DLC1: variants seen among roughly 807,000 people sequenced by gnomAD.
The protein encoded by DLC1 is rho GTPase-activating protein 7.
A neutral mutation model predicts 140.3 loss-of-function variants in DLC1; 54 were observed. That is an observed-to-expected ratio of 0.38 (90% CI 0.31 to 0.48). The LOEUF (loss-of-function observed/expected upper bound fraction) is 0.48, where lower values mean the gene tolerates loss of function less well. Among genes scored for constraint, DLC1 ranks in the 20% least tolerant of loss-of-function variants. The pLI is 0.96. For missense variants in DLC1, 2,536 were observed against 1,907.0 expected (o/e 1.33, Z -6.14); for synonymous variants, 986 against 728.1 (o/e 1.35, Z -5.70).
At chr8:13,138,682 G>A (rs1480168821) in intron 5 of DLC1, among the ~76,000 whole-genome samples, 2 of 152,212 alleles carry the variant, frequency 1.3e-5, no homozygotes, top group Non-Finnish European at 2.9e-5. Context: ...GTTAGAAATT[G>A]AATGGCTGTC....
intron 4 of DLC1, among the ~76,000 whole-genome samples, chr8:13,327,113 C>A (rs1012929557): frequency 2.1e-5 from 3 of 145,938 alleles, no homozygotes; most frequent in Non-Finnish European, 3.0e-5. Flanking sequence ...CGCCACCACA[C>A]CCGGCTATTT....
At chr8:13,574,008 T>G (rs560794483) in intron 1 of DLC1, among the ~76,000 whole-genome samples, 106 of 152,278 alleles carry the variant, frequency 7.0e-4, no homozygotes, top group South Asian at 4.1e-3. Context: ...GAAACTTTCA[T>G]GGATAACAAA....
chr8:13,376,531 A>G (rs969209909), intron 4 of DLC1, among the ~76,000 whole-genome samples: 2 of 152,164 alleles, frequency 1.3e-5, no homozygotes, highest in African/African-American at 4.8e-5. Flanking sequence ...TGGGAAAGGC[A>G]ATATGGTTAG....
intron 5 of DLC1, among the ~76,000 whole-genome samples, chr8:13,241,026 A>C (rs1829523462): frequency 6.6e-6 from 1 of 152,170 alleles, no homozygotes; most frequent in South Asian, 2.1e-4. Flanking sequence ...TGAAGACAGA[A>C]AGGGAGACAG....
chr8:13,153,507 G>T (rs1198546406), intron 5 of DLC1, among the ~76,000 whole-genome samples: 1 of 152,190 alleles, frequency 6.6e-6, no homozygotes, highest in Admixed American at 6.5e-5. Flanking sequence ...ACCCAAACAG[G>T]TCGCCACTGC....
chr8:13,219,665 A>G (rs1010413202), intron 5 of DLC1, among the ~76,000 whole-genome samples: 1 of 151,964 alleles, frequency 6.6e-6, no homozygotes, highest in African/African-American at 2.4e-5. Context: ...ATCTATATCT[A>G]TATCTCCAAG....
intron 6 of DLC1, 74 bp downstream of exon 6, chr8:13,115,512 T>A (rs1820474415): frequency 1.5e-6 from 2 of 1,330,842 alleles, no homozygotes; most frequent in Admixed American, 4.3e-5. Context: ...TGAAAATAAG[T>A]CATAGATCAG....
At chr8:13,198,594 T>C (rs560757036) in intron 5 of DLC1, among the ~76,000 whole-genome samples, 1 of 152,342 alleles carries the variant, frequency 6.6e-6, no homozygotes, top group African/African-American at 2.4e-5. Flanking sequence ...CTTTGAGATT[T>C]CTAGGTTTAT....
chr8:13,135,606 T>C (rs1057087553), intron 5 of DLC1, among the ~76,000 whole-genome samples: 1 of 152,250 alleles, frequency 6.6e-6, no homozygotes, highest in African/African-American at 2.4e-5. Context: ...TACTAATTTA[T>C]CTTATTTATT....
intron 2 of DLC1, among the ~76,000 whole-genome samples, chr8:13,473,493 G>A (rs777405234): frequency 6.6e-6 from 1 of 152,142 alleles, no homozygotes; most frequent in Admixed American, 6.5e-5. Flanking sequence ...GTAGAGCGGG[G>A]TGCTGCTGTA....
intron 2 of DLC1, among the ~76,000 whole-genome samples, chr8:13,409,644 C>T (rs289608): frequency 0.011 from 1,690 of 152,178 alleles, 27 homozygotes; most frequent in African/African-American, 0.039. Context: ...TGGCTTAACC[C>T]ACTTCTTGCT....
intron 4 of DLC1, among the ~76,000 whole-genome samples, chr8:13,312,911 A>G (rs1306055341): frequency 6.6e-6 from 1 of 152,138 alleles, no homozygotes; most frequent in Non-Finnish European, 1.5e-5. Flanking sequence ...AAGATAATTA[A>G]CTTATTCAGA....
At chr8:13,342,746 C>T (rs79996850) in intron 4 of DLC1, 5,091 of 152,678 alleles carry the variant, frequency 0.033, 120 homozygotes, top group South Asian at 0.095. Context: ...TAAAATCTCT[C>T]TCTTCCTGTC....
chr8:13,525,508 G>A (rs1177147237), intron 1 of DLC1, among the ~76,000 whole-genome samples: 1 of 152,180 alleles, frequency 6.6e-6, no homozygotes. Context: ...GGTATGATGA[G>A]TCTTTTTAGT....
At chr8:13,267,868 C>T (rs1266935208) in intron 5 of DLC1, among the ~76,000 whole-genome samples, 1 of 151,564 alleles carries the variant, frequency 6.6e-6, no homozygotes, top group East Asian at 1.9e-4. Context: ...CAAAAATCAC[C>T]AACCAGGATT....
rs1156249471 is a variant in DLC1 at position 13,579,327 on chromosome 8, A to T, written c.-126+25210T>A. 2.2e-3 allele frequency among the ~76,000 whole-genome samples: 26 copies of T among 11,566 alleles called. 4 individuals carry two copies. The highest frequency in any genetic ancestry group is 0.021 in the South Asian group (8 of 380). The allele number at this position is 11,566 out of a possible 152,430, so 7.6% of individuals were successfully genotyped here. ...CACAGGTCTGACTTTATATATATAT[A>T]TATATATATATATATATATATATAT... On this transcript the variant is annotated intron_variant, in intron 1 of 1. Coordinates refer to the DLC1 transcript ENST00000631382.
chr8:13,228,500 T>A (rs1208379903), intron 5 of DLC1, among the ~76,000 whole-genome samples: 1 of 152,072 alleles, frequency 6.6e-6, no homozygotes, highest in Non-Finnish European at 1.5e-5. Flanking sequence ...CCCAACACTT[T>A]GGGAGGCTGA....
chr8:13,098,851 A>G (rs1818733624), intron 9 of DLC1, among the ~76,000 whole-genome samples: 1 of 152,098 alleles, frequency 6.6e-6, no homozygotes, highest in Admixed American at 6.6e-5. Flanking sequence ...CTTGGCCTCA[A>G]GTGATCCTCC....
In DLC1 at chr8:13,162,310, T is replaced by TTTG. The variant is rs142702369; in HGVS notation, c.1349-46656_1349-46654dup. Reference sequence around the variant, plus strand: ...GCAACTCAATGATGGTAGTCTACAGTTTGTTGTTGTTGTTGTTGTTGTTGT... The same window carrying TTTG: ...GCAACTCAATGATGGTAGTCTACAGTTTGTTGTTGTTGTTGTTGTTGTTGTTGT... On this transcript the variant is annotated intron_variant, in intron 5 of 17. Transcript: ENST00000276297. Among the ~76,000 whole-genome samples, 22 of 151,346 alleles carry TTTG rather than the reference T, an allele frequency of 1.5e-4. No homozygotes were observed. The South Asian group carries it at 1.7e-3, about 12-fold the overall frequency.
Sources: gnomAD v4.1 joint callset for allele counts (sites outside exome capture counted in the v4.1 genomes callset) on GRCh38, gnomAD v4.1.1 for gene constraint, MANE v1.5 for transcripts, NCBI Gene and HGNC (gene_info 2026-07-23, HGNC 2026-07-21) for gene names.